The following GPC6 variants were observed in gnomAD, a reference collection of about 807,000 sequenced individuals.
The protein encoded by GPC6 is glypican 6, also known as glypican-6.
A neutral mutation model predicts 55.2 loss-of-function variants in GPC6; 14 were observed. The ratio of observed to expected loss-of-function variants is 0.25; its 90% CI spans 0.17 to 0.40. The LOEUF is 0.40. Among genes scored for constraint, GPC6 ranks in the 10% least tolerant of loss-of-function variants. GPC6 has a pLI of 1.00. For missense variants in GPC6, 641 were observed against 708.5 expected (o/e 0.90, Z 1.08); for synonymous variants, 278 against 259.6 (o/e 1.07, Z -0.68).
intron 1 of GPC6, among the ~76,000 whole-genome samples, chr13:93,354,868 T>G (rs1452533131): frequency 1.3e-5 from 2 of 152,106 alleles, no homozygotes; most frequent in Non-Finnish European, 2.9e-5. Context: ...AAAAAGCAAG[T>G]GGAAATTCCC....
intron 4 of GPC6, among the ~76,000 whole-genome samples, chr13:94,082,037 C>T (rs1281926714): frequency 1.3e-5 from 2 of 151,916 alleles, no homozygotes; most frequent in Admixed American, 6.6e-5. Flanking sequence ...GACGGGGTTT[C>T]ACCATATTGG....
In GPC6 at chr13:93,264,836, T is replaced by C. The variant is rs556084266; in HGVS notation, c.160+37220T>C. Among the ~76,000 whole-genome samples, 9 of 152,310 alleles carry C rather than the reference T, an allele frequency of 5.9e-5. No individual in the cohort carries two copies. The South Asian group carries it at 1.0e-3, about 18-fold the overall frequency. ...ATTATCTTTTAATTTTATTTTTTTT[T>C]CCAAAGGTTTTCACCCCTCCATTTG... On this transcript the variant is annotated intron_variant, in intron 1 of 8. Coordinates refer to ENST00000377047, the MANE Select transcript of GPC6 (RefSeq NM_005708.5).
intron 2 of GPC6, among the ~76,000 whole-genome samples, chr13:93,790,097 T>C (rs758807964): frequency 6.6e-6 from 1 of 152,182 alleles, no homozygotes; most frequent in Non-Finnish European, 1.5e-5. Flanking sequence ...TGTCAGTTAA[T>C]GAAGGTGGCG....
At chr13:93,364,746 T>A (rs550373731) in intron 1 of GPC6, among the ~76,000 whole-genome samples, 2 of 151,532 alleles carry the variant, frequency 1.3e-5, no homozygotes, top group African/African-American at 4.8e-5. Flanking sequence ...TATATGTATT[T>A]TATATATATG....
chr13:93,555,825 G>A (rs1338009469), intron 2 of GPC6, among the ~76,000 whole-genome samples: 3 of 152,116 alleles, frequency 2.0e-5, no homozygotes, highest in Non-Finnish European at 4.4e-5. Flanking sequence ...ACCATTCTTT[G>A]GTCTGGACTG....
At chr13:93,589,615 T>G (rs1206871417) in intron 2 of GPC6, among the ~76,000 whole-genome samples, 1 of 152,176 alleles carries the variant, frequency 6.6e-6, no homozygotes, top group African/African-American at 2.4e-5. Context: ...TTAGGTTATA[T>G]TGTAGCACCT....
rs764819082 is a variant in GPC6, at chr13:94,270,964, ATTTTTTTTTTTTTTTTTTTT to A, written c.878-15363_878-15344del. ...AAAGGACCAGAGACAGAGAAGTATA[ATTTTTTTTTTTTTTTTTTTT>A]TTTTTTTTTTTTTTTTTTTTTCTGA... On this transcript the variant is annotated intron_variant, in intron 4 of 8. Coordinates refer to ENST00000377047, the MANE Select transcript of GPC6 (RefSeq NM_005708.5). 6.8e-3 allele frequency among the ~76,000 whole-genome samples: 340 copies of A among 49,670 alleles called. 2 individuals are homozygous for A. The highest frequency in any genetic ancestry group is 0.025 in the African/African-American group (312 of 12,518). The allele number at this position is 49,670 out of a possible 152,430, so 32.6% of individuals were successfully genotyped here. A position where few individuals can be genotyped will look rare whatever the true frequency, so the allele number is the denominator to read the frequency against.
chr13:94,097,745 C>T (rs1280234686), intron 4 of GPC6, among the ~76,000 whole-genome samples: 1 of 152,064 alleles, frequency 6.6e-6, no homozygotes, highest in Admixed American at 6.5e-5. Context: ...GGTTATAAAT[C>T]ATGTTATTGA....
chr13:94,286,609 G>T, intron 5 of GPC6, 130 bp downstream of exon 5: 2 of 808,680 alleles, frequency 2.5e-6, no homozygotes, highest in Non-Finnish European at 1.9e-6. Flanking sequence ...TTTTCCTGTT[G>T]AGCCACAAAT....
At chr13:93,997,609 A>G (rs867525805) in intron 3 of GPC6, among the ~76,000 whole-genome samples, 1 of 125,042 alleles carries the variant, frequency 8.0e-6, no homozygotes, top group East Asian at 2.9e-4. Context: ...GTGTGTGTGC[A>G]TGCACGCTTG....
At chr13:93,667,490 TG>T (rs1304411795) in intron 2 of GPC6, among the ~76,000 whole-genome samples, 2 of 151,832 alleles carry the variant, frequency 1.3e-5, no homozygotes, top group African/African-American at 4.8e-5. Flanking sequence ...TGGAGTGCAG[TG>T]GCAAGAACTT....
intron 2 of GPC6, among the ~76,000 whole-genome samples, chr13:93,728,539 C>G (rs1883720920): frequency 1.3e-5 from 2 of 150,690 alleles, no homozygotes. Flanking sequence ...CCATACCCAG[C>G]CTTATTTTAT....
intron 1 of GPC6, among the ~76,000 whole-genome samples, chr13:93,465,672 G>C (rs1000398145): frequency 9.2e-5 from 14 of 152,144 alleles, no homozygotes; most frequent in African/African-American, 3.4e-4. Flanking sequence ...CAGCATGAAG[G>C]CTGTTTCAGT....
chr13:94,372,984 C>T (rs1196131004), intron 6 of GPC6, among the ~76,000 whole-genome samples: 1 of 152,188 alleles, frequency 6.6e-6, no homozygotes, highest in Non-Finnish European at 1.5e-5. Context: ...GGTATTCCAA[C>T]AGACCTGCAG....
At chr13:93,954,757 T>G (rs953406571) in intron 3 of GPC6, among the ~76,000 whole-genome samples, 1 of 152,124 alleles carries the variant, frequency 6.6e-6, no homozygotes. Context: ...TTCATTCTGG[T>G]TTTTGTCCTG....
intron 3 of GPC6, among the ~76,000 whole-genome samples, chr13:93,880,636 G>T (rs9516308): frequency 0.28 from 42,275 of 151,830 alleles, 6,224 homozygotes; most frequent in Non-Finnish European, 0.32. Flanking sequence ...AATGGGTGCA[G>T]TGCACCAGCA....
Position 94,041,503 on chromosome 13 carries a change from G to A in GPC6, c.877+13609G>A, listed in dbSNP as rs369874042. 2.4e-4 allele frequency among the ~76,000 whole-genome samples: 36 copies of A among 151,882 alleles called. No homozygotes were observed. The East Asian group carries it at 4.5e-3, about 19-fold the overall frequency. ...TTATCTGCCAGGTAATACCACGTGTGATCTTTTTATGCTTCCAGAAATAAG... is the reference window on the plus strand; with the variant it reads ...TTATCTGCCAGGTAATACCACGTGTAATCTTTTTATGCTTCCAGAAATAAG... On this transcript the variant is annotated intron_variant, in intron 4 of 8. Coordinates refer to ENST00000377047, the MANE Select transcript of GPC6 (RefSeq NM_005708.5).
At chr13:94,286,964 G>A (rs1892549987) in intron 5 of GPC6, among the ~76,000 whole-genome samples, 1 of 152,072 alleles carries the variant, frequency 6.6e-6, no homozygotes, top group African/African-American at 2.4e-5. Context: ...CAAATCTTCA[G>A]GAGAAAATGC....
chr13:94,130,580 A>G, intron 4 of GPC6, among the ~76,000 whole-genome samples: 1 of 152,092 alleles, frequency 6.6e-6, no homozygotes, highest in Admixed American at 6.6e-5. Flanking sequence ...CCAATTTTTA[A>G]TTTTGAAAGT....
Sources: allele counts gnomAD v4.1 joint callset (sites outside exome capture counted in the v4.1 genomes callset), GRCh38; gene constraint gnomAD v4.1.1; transcripts MANE v1.5; gene names NCBI Gene and HGNC (gene_info 2026-07-23, HGNC 2026-07-21).